The following GOLGA3 variants were observed in gnomAD, a reference collection of about 807,000 sequenced individuals.
GOLGA3 encodes the protein golgin subfamily A member 3.
In GOLGA3, 75 loss-of-function variants were observed where a neutral mutation model predicts 169.4. That is an observed-to-expected ratio of 0.44 (90% CI 0.37 to 0.54). GOLGA3 has a LOEUF of 0.54. Among genes scored for constraint, GOLGA3 ranks in the 20% least tolerant of loss-of-function variants. The probability of loss-of-function intolerance (pLI) is 0.00; values close to 1 mark genes in which losing one functional copy is unlikely to be tolerated. For synonymous variants in GOLGA3, 824 were observed against 822.4 expected, an observed-to-expected ratio of 1.00 and a Z score of -0.03; for missense variants, 1,899 against 1,930.0, an observed-to-expected ratio of 0.98 and a Z score of 0.30.
At chr12:132,783,004 T>C (rs2045691714) in intron 16 of GOLGA3, among the ~76,000 whole-genome samples, 1 of 152,152 alleles carries the variant, frequency 6.6e-6, no homozygotes, top group African/African-American at 2.4e-5. Flanking sequence ...GAGACCAGCC[T>C]AGCCAACATG....
Position 132,786,322 on chromosome 12 carries a change from G to A in GOLGA3, c.3123+17C>T, listed in dbSNP as rs1414296802. The A allele has an allele frequency of 6.5e-7, 1 of 1,539,712 alleles. No individual in the cohort carries two copies. Among genetic ancestry groups the A allele is most frequent in the East Asian group, 2.3e-5 (1 of 44,222 alleles). On this transcript the variant is annotated intron_variant, in intron 15 of 23. Coordinates refer to ENST00000450791, the MANE Select transcript of GOLGA3 (RefSeq NM_001389683.1). ...GGGGCTGGTGACCCTGGCCGGGGAT[G>A]GCACGGTGTTACCTACATGTAGAGC... is the stretch of plus-strand genomic sequence containing the variant.
intron 18 of GOLGA3, among the ~76,000 whole-genome samples, chr12:132,780,439 G>C (rs980723868): frequency 6.6e-6 from 1 of 152,250 alleles, no homozygotes; most frequent in Non-Finnish European, 1.5e-5. Context: ...TCTCTACACA[G>C]AGAAGGGTCC....
chr12:132,816,859 T>C, intron 2 of GOLGA3, 47 bp from the exon 3 acceptor site: 1 of 1,512,672 alleles, frequency 6.6e-7, no homozygotes, highest in Non-Finnish European at 8.9e-7. Context: ...AACAACAAGG[T>C]GACGTCGCTT....
intron 1 of GOLGA3, among the ~76,000 whole-genome samples, chr12:132,825,124 G>A (rs1429876830): frequency 6.6e-6 from 1 of 152,172 alleles, no homozygotes; most frequent in Non-Finnish European, 1.5e-5. Context: ...AAGAAAACTT[G>A]CGTTTTGCTT....
intron 21 of GOLGA3, among the ~76,000 whole-genome samples, chr12:132,775,534 T>C (rs535287009): frequency 3.4e-4 from 52 of 152,356 alleles, no homozygotes; most frequent in Admixed American, 1.8e-3. Flanking sequence ...AAATTTGAAA[T>C]GTTCCAATGA....
chr12:132,824,138 ATG>A (rs1950322761), intron 1 of GOLGA3, among the ~76,000 whole-genome samples: 1 of 152,196 alleles, frequency 6.6e-6, no homozygotes, highest in Non-Finnish European at 1.5e-5. Context: ...CCTCGAGAGC[ATG>A]TGTGTCACTG....
At position 132,816,739 on chromosome 12, in the gene GOLGA3, G is replaced by T; in HGVS notation, c.207C>A (p.Asn69Lys). The T allele has an allele frequency of 1.9e-6, 3 of 1,613,772 alleles. No homozygotes were observed. Among genetic ancestry groups the T allele is most frequent in the Non-Finnish European group, 2.5e-6 (3 of 1,179,728 alleles). Residue 69 changes from asparagine (N) to lysine (K), a missense_variant, in exon 3 of 24, where the codon AAC becomes AAA. Coordinates refer to ENST00000450791, the MANE Select transcript of GOLGA3 (RefSeq NM_001389683.1). ...GGTCTGGGAAGGGTGGCGTTGGCCCGTTCTGACAGAGGCCTCCCTGGCCAG... is the reference window on the plus strand; with the variant it reads ...GGTCTGGGAAGGGTGGCGTTGGCCCTTTCTGACAGAGGCCTCCCTGGCCAG... ...DGPGQGGLCQ[N>K]GPTPPFPDPP...
intron 13 of GOLGA3, among the ~76,000 whole-genome samples, chr12:132,788,399 G>A (rs1445879152): frequency 4.6e-5 from 7 of 152,092 alleles, no homozygotes; most frequent in Non-Finnish European, 2.9e-5. Flanking sequence ...CTCACCTCCC[G>A]GTTCCTCAGC....
intron 4 of GOLGA3, among the ~76,000 whole-genome samples, chr12:132,812,346 A>G (rs1949762273): frequency 6.6e-6 from 1 of 152,174 alleles, no homozygotes; most frequent in South Asian, 2.1e-4. Flanking sequence ...TCTGCAGCCC[A>G]TGGATCAAGG....
chr12:132,780,303 G>A (rs955451365), intron 18 of GOLGA3, among the ~76,000 whole-genome samples: 2 of 152,184 alleles, frequency 1.3e-5, no homozygotes, highest in Non-Finnish European at 2.9e-5. Context: ...GCAAGCAGCA[G>A]CGTTCTAACA....
chr12:132,812,428 T>C (rs904912679), intron 4 of GOLGA3, among the ~76,000 whole-genome samples: 2 of 152,152 alleles, frequency 1.3e-5, no homozygotes, highest in Non-Finnish European at 2.9e-5. Context: ...ATAGTCATAG[T>C]GATTCCTCTC....
rs779391783 is a variant in GOLGA3, at chr12:132,786,449, T to C, written c.3013A>G (p.Ile1005Val). The part of the protein sequence containing the change: ...KHKAYENAVG[I>V]LSRRLQEALA... ...GCCTCCTGCAGGCGGCGGCTGAGGA[T>C]GCCCACGGCGTTCTCGTAGGCCTTA... Residue 1005 changes from isoleucine to valine, a missense_variant, in exon 15 of 24, where the codon ATC becomes GTC. Ile to Val is a conservative substitution (Grantham distance 29). Coordinates refer to ENST00000450791, the MANE Select transcript of GOLGA3 (RefSeq NM_001389683.1). 1 of 1,613,584 alleles carries C rather than the reference T, an allele frequency of 6.2e-7. No homozygotes were observed. Among genetic ancestry groups the C allele is most frequent in the South Asian group, 1.1e-5 (1 of 91,066 alleles).
Position 132,791,213 on chromosome 12 carries a change from T to C in GOLGA3, c.2547+3A>G. 6.4e-7 allele frequency: 1 copy of C among 1,560,690 alleles called. No individual in the cohort carries two copies. Among genetic ancestry groups the C allele is most frequent in the Non-Finnish European group, 8.8e-7 (1 of 1,132,160 alleles). ...AGTGAAGAAATCAACAACAGATTTTTACCTTTTGTTGGAGAAACTGTTCCT... is the reference window on the plus strand; with the variant it reads ...AGTGAAGAAATCAACAACAGATTTTCACCTTTTGTTGGAGAAACTGTTCCT... On this transcript the variant is annotated splice_donor_region_variant and intron_variant, in intron 12 of 23. Transcript: ENST00000450791.
chr12:132,796,117 C>T lies in GOLGA3; in HGVS notation c.2204G>A (p.Ser735Asn), dbSNP rs754822013. Reference protein sequence around the residue: ...QLTLTQEALQSREQSLDALQT... With the variant: ...QLTLTQEALQNREQSLDALQT... Reference sequence around the variant, plus strand: ...CAGGGCATCGAGGGACTGCTCCCTGCTCTGCAGAGCCTCCTGAGTCAAGGT... The same window carrying T: ...CAGGGCATCGAGGGACTGCTCCCTGTTCTGCAGAGCCTCCTGAGTCAAGGT... Residue 735 changes from serine to asparagine, a missense_variant, in exon 11 of 24, where the codon AGC becomes AAC. By Grantham distance (46) the Ser-to-Asn change is conservative. Transcript: ENST00000450791. 6.8e-6 allele frequency: 11 copies of T among 1,612,414 alleles called. No homozygotes were observed. In the Admixed American group the frequency reaches 1.0e-4, roughly 15 times the overall value.
chr12:132,769,632 AAAAC>A lies in GOLGA3; in HGVS notation c.*3469_*3472del, dbSNP rs1458271331. On this transcript the variant is annotated 3_prime_UTR_variant, in exon 24 of 24. Coordinates refer to ENST00000450791, the MANE Select transcript of GOLGA3 (RefSeq NM_001389683.1). The stretch of plus-strand genomic sequence containing the variant: ...GTTACGTTGTTTTTGGAACATCAGA[AAAAC>A]AAGTAGTGACATCGTGAAGTGCCCT... The A allele has an allele frequency of 1.3e-5, 2 of 152,242 alleles. No individual in the cohort carries two copies. Among genetic ancestry groups the A allele is most frequent in the Non-Finnish European group, 2.9e-5 (2 of 68,038 alleles). The allele number at this position is 152,242 out of a possible 1,614,324, so 9.4% of individuals were successfully genotyped here.
intron 4 of GOLGA3, among the ~76,000 whole-genome samples, chr12:132,808,903 G>C (rs1949559599): frequency 6.6e-6 from 1 of 152,230 alleles, no homozygotes; most frequent in African/African-American, 2.4e-5. Context: ...GCGGCGACGA[G>C]AGTGTAGAAA....
intron 18 of GOLGA3, among the ~76,000 whole-genome samples, chr12:132,780,571 C>G (rs891393014): frequency 6.6e-6 from 1 of 152,250 alleles, no homozygotes; most frequent in Non-Finnish European, 1.5e-5. Context: ...TACACATGCA[C>G]GCGGAGCTCA....
rs981346337 is a variant in GOLGA3, at chr12:132,778,528, G to A, written c.3583-723C>T. Among the ~76,000 whole-genome samples the A allele has an allele frequency of 6.6e-5, 10 of 152,024 alleles. No individual in the cohort carries two copies. The East Asian group carries it at 9.7e-4, about 15-fold the overall frequency. On this transcript the variant is annotated intron_variant, in intron 18 of 23. Coordinates refer to ENST00000450791, the MANE Select transcript of GOLGA3 (RefSeq NM_001389683.1). ...GGAGCTTGCAGTGAGCCGAGATCGC[G>A]CCACTGCACTCCGGCCTGGGCGACA...
chr12:132,794,024 C>G (rs996235429), intron 11 of GOLGA3, among the ~76,000 whole-genome samples: 1 of 152,164 alleles, frequency 6.6e-6, no homozygotes, highest in Admixed American at 6.5e-5. Flanking sequence ...CCTCAGGAGC[C>G]CCCCTGCGAA....
Sources: allele counts gnomAD v4.1 joint callset (sites outside exome capture counted in the v4.1 genomes callset), GRCh38; gene constraint gnomAD v4.1.1; transcripts MANE v1.5; gene names NCBI Gene and HGNC (gene_info 2026-07-23, HGNC 2026-07-21).